Variants in STARD13 observed in about 807,000 individuals in gnomAD.
STARD13 encodes StAR related lipid transfer domain containing 13.
STARD13 carries 62 observed loss-of-function variants against 106.4 expected under a neutral mutation model. That is an observed-to-expected ratio of 0.58 (90% CI 0.48 to 0.72). The LOEUF (loss-of-function observed/expected upper bound fraction) is 0.72. Ranked by LOEUF, STARD13 falls within the 30% of genes least tolerant of loss-of-function variation. The pLI is 0.00. For missense variants in STARD13, 1,387 were observed against 1,424.0 expected (o/e 0.97, Z 0.42); for synonymous variants, 565 against 553.0 (o/e 1.02, Z -0.31).
chr13:33,472,830 G>T, the STARD13 span, among the ~76,000 whole-genome samples: 1 of 152,138 alleles, frequency 6.6e-6, no homozygotes, highest in Non-Finnish European at 1.5e-5. Flanking sequence ...GTCCAATTTA[G>T]TCTCAGCCAA....
chr13:33,181,863 C>T (rs1219719833), intron 1 of STARD13, among the ~76,000 whole-genome samples: 4 of 152,120 alleles, frequency 2.6e-5, no homozygotes, highest in African/African-American at 4.8e-5. Context: ...GTTCCAAGTG[C>T]GCACAGTAAT....
the STARD13 span, among the ~76,000 whole-genome samples, chr13:33,489,533 G>C: frequency 1.3e-5 from 2 of 152,124 alleles, no homozygotes; most frequent in Non-Finnish European, 2.9e-5. Flanking sequence ...TTTTATGTGG[G>C]TCAAGTCCAA....
chr13:33,324,835 A>C (rs1463972928), intron 1 of STARD13, among the ~76,000 whole-genome samples: 1 of 152,222 alleles, frequency 6.6e-6, no homozygotes, highest in Non-Finnish European at 1.5e-5. Context: ...AAATGCCTGC[A>C]GATTGATTGT....
chr13:33,639,350 G>A, the STARD13 span, among the ~76,000 whole-genome samples: 3 of 152,202 alleles, frequency 2.0e-5, no homozygotes, highest in Admixed American at 6.5e-5. Context: ...TATCTGCCAG[G>A]GCTGTCTGGG....
the STARD13 span, among the ~76,000 whole-genome samples, chr13:33,570,947 G>A: frequency 6.6e-6 from 1 of 152,112 alleles, no homozygotes; most frequent in Non-Finnish European, 1.5e-5. Flanking sequence ...CTTGAGGGAG[G>A]AAATATGAAT....
the STARD13 span, among the ~76,000 whole-genome samples, chr13:33,380,284 G>A: frequency 2.0e-5 from 3 of 151,810 alleles, no homozygotes; most frequent in Admixed American, 6.6e-5. Flanking sequence ...GCATGGTGGC[G>A]GGCGCCTGTA....
At chr13:33,341,376 A>T (rs2077958209) in intron 1 of STARD13, among the ~76,000 whole-genome samples, 2 of 152,094 alleles carry the variant, frequency 1.3e-5, no homozygotes, top group South Asian at 4.1e-4. Context: ...CGGTGCCTCA[A>T]GCCTGTAATC....
At chr13:33,227,838 T>C (rs1397140993) in intron 1 of STARD13, among the ~76,000 whole-genome samples, 1 of 152,078 alleles carries the variant, frequency 6.6e-6, no homozygotes, top group Non-Finnish European at 1.5e-5. Context: ...CCAGGAGCTG[T>C]GTCAGGTACT....
At chr13:33,312,961 T>C (rs1456302807) in intron 1 of STARD13, among the ~76,000 whole-genome samples, 3 of 152,236 alleles carry the variant, frequency 2.0e-5, no homozygotes, top group Non-Finnish European at 4.4e-5. Context: ...ATAACAATTC[T>C]AAGCCAACTG....
At chr13:33,618,209 T>C in the STARD13 span, among the ~76,000 whole-genome samples, 1 of 152,230 alleles carries the variant, frequency 6.6e-6, no homozygotes, top group African/African-American at 2.4e-5. Context: ...CTTTTTTCAT[T>C]ATCAAATTTC....
At chr13:33,321,866 C>T (rs1474861533) in intron 1 of STARD13, among the ~76,000 whole-genome samples, 1 of 152,212 alleles carries the variant, frequency 6.6e-6, no homozygotes, top group African/African-American at 2.4e-5. Context: ...TCAGCACTTA[C>T]ACACTCAGTT....
At chr13:33,442,937 CA>C in the STARD13 span, among the ~76,000 whole-genome samples, 1 of 151,982 alleles carries the variant, frequency 6.6e-6, no homozygotes, top group South Asian at 2.1e-4. Context: ...CACAGGATGC[CA>C]GGGGCCAGGG....
chr13:33,219,657 C>A (rs1888239347), intron 1 of STARD13, among the ~76,000 whole-genome samples: 1 of 150,566 alleles, frequency 6.6e-6, no homozygotes, highest in African/African-American at 2.4e-5. Flanking sequence ...CATAGCAAGA[C>A]CCCTGGGCAC....
chr13:33,388,556 G>A, the STARD13 span, among the ~76,000 whole-genome samples: 10 of 152,180 alleles, frequency 6.6e-5, no homozygotes, highest in African/African-American at 2.4e-4. Context: ...TACCCACAAA[G>A]GAGGAATCTG....
At chr13:33,474,602 G>A in the STARD13 span, among the ~76,000 whole-genome samples, 1 of 152,056 alleles carries the variant, frequency 6.6e-6, no homozygotes, top group Non-Finnish European at 1.5e-5. Context: ...TAATATACCA[G>A]CTGGCTTTAA....
At position 33,111,832 on chromosome 13, in the gene STARD13, C is replaced by T; in HGVS notation, c.2553G>A (p.Leu851=). 6.2e-7 allele frequency: 1 copy of T among 1,614,156 alleles called. No individual in the cohort carries two copies. Among genetic ancestry groups the T allele is most frequent in the Non-Finnish European group, 8.5e-7 (1 of 1,180,014 alleles). Reference sequence around the variant, plus strand: ...TGTGCGCTAGCCCCTGAGCTGCTGCCAGATTCTCGTTGAGGTCCTTTTGAT... The same window carrying T: ...TGTGCGCTAGCCCCTGAGCTGCTGCTAGATTCTCGTTGAGGTCCTTTTGAT... ...KPDQKDLNEN[L]AAAQGLAHMI... The change falls in exon 10 of 14, where the codon CTG becomes CTA. Residue 851 remains leucine, a synonymous_variant. Coordinates refer to ENST00000336934, the MANE Select transcript of STARD13 (RefSeq NM_178006.4).
At chr13:33,629,170 C>T in the STARD13 span, among the ~76,000 whole-genome samples, 29 of 152,176 alleles carry the variant, frequency 1.9e-4, no homozygotes, top group African/African-American at 5.8e-4. Context: ...CCCAACTCCA[C>T]GGGCCAAACG....
intron 1 of STARD13, chr13:33,186,151 C>T (rs1024671433): frequency 9.3e-7 from 1 of 1,070,246 alleles, no homozygotes; most frequent in Non-Finnish European, 1.3e-6. Context: ...TTCCAAGCCT[C>T]CACACTTCCT....
At chr13:33,167,691 A>G (rs1883489952) in intron 1 of STARD13, 69 bp from the exon 2 acceptor site, 1 of 1,457,882 alleles carries the variant, frequency 6.9e-7, no homozygotes, top group African/African-American at 1.4e-5. Flanking sequence ...CTTCTTAATC[A>G]TGGAGACACT....
Sources: allele counts gnomAD v4.1 joint callset (sites outside exome capture counted in the v4.1 genomes callset), GRCh38; gene constraint gnomAD v4.1.1; transcripts MANE v1.5; gene names NCBI Gene and HGNC (gene_info 2026-07-23, HGNC 2026-07-21).